STK39: variants seen among roughly 807,000 people sequenced by gnomAD.
The protein encoded by STK39 is STE20/SPS1-related proline-alanine-rich protein kinase.
STK39 carries 20 observed loss-of-function variants against 77.8 expected under a neutral mutation model. The ratio of observed to expected loss-of-function variants is 0.26; its 90% confidence interval spans 0.18 to 0.37. STK39 has a LOEUF of 0.37. Among genes scored for constraint, STK39 ranks in the 10% least tolerant of loss-of-function variants. The probability of loss-of-function intolerance (pLI) is 1.00; values close to 1 mark genes in which losing one functional copy is unlikely to be tolerated. For missense variants in STK39, 479 were observed against 656.5 expected, an observed-to-expected ratio of 0.73 and a Z score of 2.95; for synonymous variants, 246 against 234.1, an observed-to-expected ratio of 1.05 and a Z score of -0.47.
intron 16 of STK39, among the ~76,000 whole-genome samples, chr2:168,000,215 A>T (rs1683965521): frequency 6.6e-6 from 1 of 152,220 alleles, no homozygotes; most frequent in Non-Finnish European, 1.5e-5. Flanking sequence ...GAACACCTAA[A>T]GCCACTGTTC....
intron 12 of STK39, among the ~76,000 whole-genome samples, chr2:168,068,880 T>A (rs998396956): frequency 3.3e-5 from 5 of 152,178 alleles, no homozygotes; most frequent in African/African-American, 1.2e-4. Context: ...CAAACACGTT[T>A]GACAGCTCAC....
intron 10 of STK39, among the ~76,000 whole-genome samples, chr2:168,123,751 C>T (rs1418835872): frequency 6.6e-6 from 1 of 151,852 alleles, no homozygotes; most frequent in Non-Finnish European, 1.5e-5. Context: ...CACCTGTAAT[C>T]CCAGCTACTC....
chr2:168,035,180 T>C (rs1684920902), intron 14 of STK39, among the ~76,000 whole-genome samples: 1 of 152,086 alleles, frequency 6.6e-6, no homozygotes, highest in Non-Finnish European at 1.5e-5. Context: ...CTTTGAGGGG[T>C]TTTAAAAGAT....
intron 14 of STK39, among the ~76,000 whole-genome samples, chr2:168,030,519 G>A (rs1242813923): frequency 6.6e-6 from 1 of 152,092 alleles, no homozygotes; most frequent in East Asian, 1.9e-4. Context: ...TTAAAGATTA[G>A]CAAATTTAAA....
At chr2:168,077,418 GCTCT>G (rs199533056) in intron 10 of STK39, among the ~76,000 whole-genome samples, 3,015 of 152,048 alleles carry the variant, frequency 0.02, 102 homozygotes, top group African/African-American at 0.069. Context: ...TAGAGCCCTG[GCTCT>G]CTCTCTGTTT....
chr2:168,156,881 G>A (rs1000988525), intron 5 of STK39, among the ~76,000 whole-genome samples: 5 of 152,168 alleles, frequency 3.3e-5, no homozygotes, highest in Middle Eastern at 3.2e-3. Context: ...TGACTCCAGC[G>A]CTGCTCGGGT....
intron 2 of STK39, among the ~76,000 whole-genome samples, chr2:168,181,075 C>A (rs192564342): frequency 9.2e-5 from 14 of 152,224 alleles, no homozygotes; most frequent in Admixed American, 9.2e-4. Flanking sequence ...TAACAAAAGG[C>A]TTCTTCATTT....
chr2:168,126,437 C>T (rs573555653), intron 10 of STK39, among the ~76,000 whole-genome samples: 4 of 152,262 alleles, frequency 2.6e-5, no homozygotes, highest in South Asian at 2.1e-4. Flanking sequence ...CTACAATAAA[C>T]GTTTTCATTT....
chr2:168,233,205 C>T (rs1690506000), intron 1 of STK39, among the ~76,000 whole-genome samples: 1 of 152,180 alleles, frequency 6.6e-6, no homozygotes, highest in African/African-American at 2.4e-5. Context: ...CCCGACTCCT[C>T]AGGAAAGGTG....
chr2:167,957,093 T>C (rs1350081199), intron 17 of STK39, among the ~76,000 whole-genome samples: 1 of 152,042 alleles, frequency 6.6e-6, no homozygotes, highest in Non-Finnish European at 1.5e-5. Context: ...GCATCAACTC[T>C]AGCATTTTCT....
chr2:168,219,164 T>C (rs541638144), intron 1 of STK39, among the ~76,000 whole-genome samples: 1 of 152,100 alleles, frequency 6.6e-6, no homozygotes, highest in East Asian at 1.9e-4. Flanking sequence ...CTCATGCCTG[T>C]AATCCCAGCT....
At chr2:168,208,899 C>T (rs933331010) in intron 1 of STK39, among the ~76,000 whole-genome samples, 1 of 152,212 alleles carries the variant, frequency 6.6e-6, no homozygotes, top group South Asian at 2.1e-4. Flanking sequence ...AGATATCTCC[C>T]ACAGTCACAG....
chr2:168,172,196 T>A (rs528483697), intron 2 of STK39, among the ~76,000 whole-genome samples: 1 of 152,220 alleles, frequency 6.6e-6, no homozygotes, highest in Non-Finnish European at 1.5e-5. Context: ...CTGTTCAATG[T>A]CTCAGTTTCT....
chr2:167,998,368 G>A (rs1359780982), intron 16 of STK39, among the ~76,000 whole-genome samples: 1 of 152,172 alleles, frequency 6.6e-6, no homozygotes, highest in Non-Finnish European at 1.5e-5. Context: ...TGCAATTAAT[G>A]GACTTGAAAT....
At chr2:168,232,350 C>T (rs1237536742) in intron 1 of STK39, 1 of 153,156 alleles carries the variant, frequency 6.5e-6, no homozygotes, top group Non-Finnish European at 1.5e-5. Flanking sequence ...TCAGTCATAC[C>T]TCATAAAGAT....
intron 2 of STK39, among the ~76,000 whole-genome samples, chr2:168,174,850 A>G (rs1018057587): frequency 2.0e-5 from 3 of 151,722 alleles, no homozygotes; most frequent in East Asian, 3.9e-4. Flanking sequence ...AAAAAAAAAA[A>G]AACACCCAAG....
chr2:168,202,771 A>G lies in STK39; in HGVS notation c.209-20681T>C, dbSNP rs781439188. Among the ~76,000 whole-genome samples the G allele has an allele frequency of 1.2e-3, 180 of 152,300 alleles. 2 individuals carry two copies. Among genetic ancestry groups the G allele is most frequent in the Non-Finnish European group, 1.5e-3 (101 of 68,016 alleles). Reference sequence around the variant, plus strand: ...AACATCTAGAGAGATTAAAAAAAAAAAGAGAGTAAAGAGGCTGTAAAACAA... The same window carrying G: ...AACATCTAGAGAGATTAAAAAAAAAGAGAGAGTAAAGAGGCTGTAAAACAA... On this transcript the variant is annotated intron_variant, in intron 1 of 17. Coordinates refer to ENST00000355999, the MANE Select transcript of STK39 (RefSeq NM_013233.3).
At chr2:167,980,192 C>T (rs1479043948) in intron 16 of STK39, among the ~76,000 whole-genome samples, 2 of 152,156 alleles carry the variant, frequency 1.3e-5, no homozygotes, top group Non-Finnish European at 2.9e-5. Flanking sequence ...TGCATATAAT[C>T]ACTTGATTAA....
chr2:168,138,167 C>T lies in STK39; in HGVS notation c.895G>A (p.Asp299Asn). The T allele has an allele frequency of 6.2e-7, 1 of 1,613,892 alleles. No individual in the cohort carries two copies. The highest frequency in any genetic ancestry group is 8.5e-7 in the Non-Finnish European group (1 of 1,179,892). Reference protein sequence around the residue: ...DPPTLETGVEDKEMMKKYGKS... With the variant: ...DPPTLETGVENKEMMKKYGKS... ...CCGTACTTTTTCATCATTTCTTTAT[C>T]CTCTACCCCTGTTTCCAAAGTGGGT... The change falls in exon 8 of 18, where the codon GAT becomes AAT. Residue 299 changes from aspartate (D) to asparagine (N), a missense_variant. Transcript: ENST00000355999.
Sources: allele counts gnomAD v4.1 joint callset (sites outside exome capture counted in the v4.1 genomes callset), GRCh38; gene constraint gnomAD v4.1.1; transcripts MANE v1.5; gene names NCBI Gene and HGNC (gene_info 2026-07-23, HGNC 2026-07-21).